The following ADAMTS12 variants were observed in gnomAD, a reference collection of about 807,000 sequenced individuals.
ADAMTS12 encodes the protein ADAM metallopeptidase with thrombospondin type 1 motif 12.
ADAMTS12 carries 118 observed loss-of-function variants against 167.8 expected under a neutral mutation model. The ratio of observed to expected loss-of-function variants is 0.70; its 90% CI spans 0.61 to 0.82. ADAMTS12 has a LOEUF of 0.82. Among genes scored for constraint, ADAMTS12 ranks in the 40% least tolerant of loss-of-function variants. The pLI, the probability that ADAMTS12 is intolerant of heterozygous loss-of-function variation, is 0.00. For synonymous variants in ADAMTS12, 704 were observed against 716.9 expected, an observed-to-expected ratio of 0.98 and a Z score of 0.29; for missense variants, 1,916 against 1,998.8, an observed-to-expected ratio of 0.96 and a Z score of 0.79.
At chr5:33,862,847 G>C (rs901129643) in intron 2 of ADAMTS12, among the ~76,000 whole-genome samples, 1 of 152,022 alleles carries the variant, frequency 6.6e-6, no homozygotes, top group Non-Finnish European at 1.5e-5. Flanking sequence ...TATCCACCAA[G>C]ATCAAGTCGG....
At chr5:33,752,478 G>A (rs913485705) in intron 2 of ADAMTS12, among the ~76,000 whole-genome samples, 1 of 152,182 alleles carries the variant, frequency 6.6e-6, no homozygotes, top group Non-Finnish European at 1.5e-5. Flanking sequence ...CAAGTGACTG[G>A]CTGAGTTTTT....
chr5:33,863,860 T>C (rs1749714149), intron 2 of ADAMTS12, among the ~76,000 whole-genome samples: 1 of 152,092 alleles, frequency 6.6e-6, no homozygotes, highest in African/African-American at 2.4e-5. Flanking sequence ...AACAGATATA[T>C]ACACCAATGG....
intron 3 of ADAMTS12, among the ~76,000 whole-genome samples, chr5:33,701,857 C>A (rs944346849): frequency 5.3e-5 from 8 of 152,190 alleles, no homozygotes; most frequent in African/African-American, 2.4e-5. Context: ...TTTCCCATTG[C>A]CTGCCTTAAG....
At chr5:33,729,268 T>G (rs1744091218) in intron 3 of ADAMTS12, among the ~76,000 whole-genome samples, 1 of 152,172 alleles carries the variant, frequency 6.6e-6, no homozygotes, top group Admixed American at 6.5e-5. Context: ...TGGAGAAACA[T>G]AAAGGATAAG....
intron 2 of ADAMTS12, among the ~76,000 whole-genome samples, chr5:33,874,786 G>A (rs1750163473): frequency 1.3e-5 from 2 of 152,100 alleles, no homozygotes; most frequent in Non-Finnish European, 2.9e-5. Context: ...AAAACTTCAG[G>A]GGGCTGGGTG....
At chr5:33,717,382 G>A (rs1376763606) in intron 3 of ADAMTS12, among the ~76,000 whole-genome samples, 2 of 152,162 alleles carry the variant, frequency 1.3e-5, no homozygotes, top group African/African-American at 4.8e-5. Flanking sequence ...CAATAAACAT[G>A]TAATGATGGC....
intron 5 of ADAMTS12, among the ~76,000 whole-genome samples, chr5:33,673,374 C>T (rs1223860641): frequency 6.6e-6 from 1 of 152,178 alleles, no homozygotes; most frequent in East Asian, 1.9e-4. Flanking sequence ...AACTCAGCAT[C>T]CCCGAAATCT....
chr5:33,731,177 TTATC>T (rs1037899904), intron 3 of ADAMTS12, among the ~76,000 whole-genome samples: 16 of 151,430 alleles, frequency 1.1e-4, no homozygotes, highest in African/African-American at 3.6e-4. Context: ...TCTTCTCTGC[TTATC>T]TTTCTTTTCT....
chr5:33,535,858 G>C (rs1051024823), intron 22 of ADAMTS12, among the ~76,000 whole-genome samples: 1 of 152,096 alleles, frequency 6.6e-6, no homozygotes, highest in African/African-American at 2.4e-5. Flanking sequence ...TGGAATGGGG[G>C]TAGGGACAGG....
At chr5:33,540,226 A>AAATGGTG (rs1266468521) in intron 22 of ADAMTS12, among the ~76,000 whole-genome samples, 1 of 152,194 alleles carries the variant, frequency 6.6e-6, no homozygotes, top group African/African-American at 2.4e-5. Flanking sequence ...GTCTGAGATC[A>AAATGGTG]AATGGTGAGG....
chr5:33,548,663 AAACT>A (rs2111827841), intron 21 of ADAMTS12, among the ~76,000 whole-genome samples: 1 of 152,002 alleles, frequency 6.6e-6, no homozygotes, highest in African/African-American at 2.4e-5. Flanking sequence ...TGCCAAAGTA[AAACT>A]AAGACCCAGC....
At chr5:33,662,679 G>A (rs1314014570) in intron 5 of ADAMTS12, among the ~76,000 whole-genome samples, 1 of 152,214 alleles carries the variant, frequency 6.6e-6, no homozygotes, top group African/African-American at 2.4e-5. Flanking sequence ...TGTGGCATCT[G>A]CCTGGCTGGT....
chr5:33,711,833 A>G (rs1235218278), intron 3 of ADAMTS12, among the ~76,000 whole-genome samples: 2 of 152,230 alleles, frequency 1.3e-5, no homozygotes, highest in Admixed American at 1.3e-4. Context: ...ATGTGCAGAA[A>G]GCAGATCACT....
chr5:33,802,838 G>C (rs1177364367), intron 2 of ADAMTS12, among the ~76,000 whole-genome samples: 2 of 152,150 alleles, frequency 1.3e-5, no homozygotes, highest in African/African-American at 2.4e-5. Flanking sequence ...TTTGCACCGG[G>C]TAACAAGTTT....
At chr5:33,783,276 A>G (rs2112445035) in intron 2 of ADAMTS12, among the ~76,000 whole-genome samples, 1 of 152,044 alleles carries the variant, frequency 6.6e-6, no homozygotes, top group African/African-American at 2.4e-5. Flanking sequence ...GAAGGTTTCT[A>G]GCTTTAAATA....
rs79110681 is a variant in ADAMTS12 at position 33,535,353 on chromosome 5, C to T, written c.4447-361G>A. 3.3e-4 allele frequency among the ~76,000 whole-genome samples: 51 copies of T among 152,280 alleles called. No individual in the cohort carries two copies. The East Asian group carries it at 9.1e-3, about 27-fold the overall frequency. ...CCAGCCACCTGGCCACACATGACTG[C>T]TCTAGGGAAGGTCCCTGCATCAAGC... On this transcript the variant is annotated intron_variant, in intron 22 of 23. Transcript: ENST00000504830.
At chr5:33,820,264 A>G (rs1747820216) in intron 2 of ADAMTS12, among the ~76,000 whole-genome samples, 1 of 152,126 alleles carries the variant, frequency 6.6e-6, no homozygotes, top group African/African-American at 2.4e-5. Flanking sequence ...TTGCAGGGGG[A>G]ATTTTATCTT....
intron 2 of ADAMTS12, among the ~76,000 whole-genome samples, chr5:33,787,284 G>A (rs1413728420): frequency 1.3e-5 from 2 of 152,156 alleles, no homozygotes; most frequent in Admixed American, 6.5e-5. Flanking sequence ...AGCTTCCTAC[G>A]GTTGTTAGAA....
intron 12 of ADAMTS12, among the ~76,000 whole-genome samples, chr5:33,633,479 C>G (rs1488310547): frequency 1.3e-5 from 2 of 151,728 alleles, no homozygotes; most frequent in South Asian, 4.2e-4. Context: ...GCATACAGGT[C>G]CTCTGCTGCA....
Sources: gnomAD v4.1 joint callset for allele counts (sites outside exome capture counted in the v4.1 genomes callset) on GRCh38, gnomAD v4.1.1 for gene constraint, MANE v1.5 for transcripts, NCBI Gene and HGNC (gene_info 2026-07-23, HGNC 2026-07-21) for gene names.